Variants in CD5 observed in about 807,000 individuals in gnomAD.
CD5 encodes the protein CD5 molecule.
In CD5, 36 loss-of-function variants were observed where a neutral mutation model predicts 60.3. The ratio of observed to expected loss-of-function variants is 0.60; its 90% CI spans 0.46 to 0.79. The LOEUF is 0.79. CD5 is among the 30% of genes least tolerant of loss of function. CD5 has a pLI of 0.00. For synonymous variants in CD5, 230 were observed against 257.6 expected, an observed-to-expected ratio of 0.89 and a Z score of 1.03; for missense variants, 540 against 630.6, an observed-to-expected ratio of 0.86 and a Z score of 1.54.
chr11:61,094,881 A>G, the CD5 span, among the ~76,000 whole-genome samples: 1 of 152,178 alleles, frequency 6.6e-6, no homozygotes, highest in African/African-American at 2.4e-5. Context: ...AAGCCTGGAC[A>G]GGTCCCTTGT....
At chr11:61,108,467 AAACCAATCATTTCATCTGTGCTC>A (rs1184766779) in intron 1 of CD5, among the ~76,000 whole-genome samples, 2 of 152,034 alleles carry the variant, frequency 1.3e-5, no homozygotes, top group Non-Finnish European at 2.9e-5. Flanking sequence ...GCCTAATCAT[AAACCAATCATTTCATCTGTGCTC>A]AACCCAAGAA....
intron 5 of CD5, among the ~76,000 whole-genome samples, chr11:61,119,875 T>A (rs1861030662): frequency 6.6e-6 from 1 of 152,104 alleles, no homozygotes; most frequent in Non-Finnish European, 1.5e-5. Context: ...GCAAGGTCTC[T>A]TCGTGGGTCT....
intron 1 of CD5, among the ~76,000 whole-genome samples, chr11:61,105,951 C>T (rs1251341771): frequency 2.0e-5 from 3 of 152,006 alleles, no homozygotes; most frequent in African/African-American, 7.3e-5. Context: ...ATGGTGAAAC[C>T]TCATCTCTAC....
chr11:61,100,663 A>T (rs1323795543), upstream of CD5, among the ~76,000 whole-genome samples: 1 of 127,030 alleles, frequency 7.9e-6, no homozygotes, highest in Non-Finnish European at 1.6e-5. Context: ...ACACATCAAC[A>T]TGGAGATCAC....
At chr11:61,102,802 T>C (rs1335182645) in intron 1 of CD5, among the ~76,000 whole-genome samples, 187 bp downstream of exon 1, 4 of 152,172 alleles carry the variant, frequency 2.6e-5, no homozygotes, top group Non-Finnish European at 5.9e-5. Flanking sequence ...CTGTCCTGCA[T>C]GTCCCACCCG....
intron 1 of CD5, among the ~76,000 whole-genome samples, chr11:61,110,783 A>G (rs905523538): frequency 1.3e-5 from 2 of 152,218 alleles, no homozygotes; most frequent in Non-Finnish European, 2.9e-5. Context: ...CACCTACTTC[A>G]TAGCACTGTG....
At chr11:61,103,376 G>A (rs1860729069) in intron 1 of CD5, among the ~76,000 whole-genome samples, 2 of 152,206 alleles carry the variant, frequency 1.3e-5, no homozygotes, top group Admixed American at 6.5e-5. Context: ...GGATTTAGAA[G>A]GTCTGGCAGG....
chr11:61,122,777 C>T, intron 6 of CD5, 130 bp from the exon 7 acceptor site: 1 of 995,918 alleles, frequency 1.0e-6, no homozygotes, highest in Non-Finnish European at 1.5e-6. Context: ...AGATCATTGC[C>T]TTCCGTGCAT....
the CD5 span, among the ~76,000 whole-genome samples, chr11:61,095,608 A>G: frequency 6.6e-6 from 1 of 152,150 alleles, no homozygotes; most frequent in Non-Finnish European, 1.5e-5. Flanking sequence ...GCCAATTACC[A>G]AAACCCCCAA....
Position 61,126,455 on chromosome 11 carries a change from ACT to A in CD5, c.*173_*174del, listed in dbSNP as rs1861150444. The A allele has an allele frequency of 1.3e-5, 2 of 152,164 alleles. No homozygotes were observed. The highest frequency in any genetic ancestry group is 2.1e-4 in the South Asian group (1 of 4,836). 9.4% of individuals were successfully genotyped at this position (152,164 alleles called of 1,614,324 possible). A position where few individuals can be genotyped will look rare whatever the true frequency, so the allele number is the denominator to read the frequency against. ...TGCCCCGAGTGGCAGGCCAGCTCACACTCTGCTGCACAACAGCTCGGCCGCCC... is the reference window on the plus strand; with the variant it reads ...TGCCCCGAGTGGCAGGCCAGCTCACACTGCTGCACAACAGCTCGGCCGCCC... On this transcript the variant is annotated 3_prime_UTR_variant, in exon 11 of 11. Coordinates refer to ENST00000347785, the MANE Select transcript of CD5 (RefSeq NM_014207.4).
upstream of CD5, among the ~76,000 whole-genome samples, chr11:61,102,081 C>T (rs980723468): frequency 6.6e-6 from 1 of 152,224 alleles, no homozygotes; most frequent in African/African-American, 2.4e-5. Flanking sequence ...TTGGTTTTGG[C>T]TTTCACTGGA....
At chr11:61,121,187 T>G (rs1209232286) in intron 5 of CD5, among the ~76,000 whole-genome samples, 2 of 152,266 alleles carry the variant, frequency 1.3e-5, no homozygotes, top group African/African-American at 2.4e-5. Flanking sequence ...TCAGTTTCCC[T>G]CTTCTGAAAA....
chr11:61,124,776 C>T (rs1337970982), intron 8 of CD5, among the ~76,000 whole-genome samples: 1 of 151,754 alleles, frequency 6.6e-6, no homozygotes, highest in Non-Finnish European at 1.5e-5. Flanking sequence ...GCTTGATGAC[C>T]GACTCACGGA....
At position 61,119,348 on chromosome 11, in the gene CD5, C is replaced by A; in HGVS notation, c.578C>A (p.Thr193Asn). The A allele has an allele frequency of 6.2e-7, 1 of 1,614,116 alleles. No individual in the cohort carries two copies. The highest frequency in any genetic ancestry group is 8.5e-7 in the Non-Finnish European group (1 of 1,180,018). Reference protein sequence around the residue: ...GTISYEAQDKTQDLENFLCNN... With the variant: ...GTISYEAQDKNQDLENFLCNN... ...ATCAGCTATGAGGCCCAGGACAAGACCCAGGACCTGGAGAACTTCCTCTGC... is the reference window on the plus strand; with the variant it reads ...ATCAGCTATGAGGCCCAGGACAAGAACCAGGACCTGGAGAACTTCCTCTGC... The change falls in exon 5 of 11, where the codon ACC becomes AAC. Residue 193 changes from threonine to asparagine, a missense_variant. By Grantham distance (65) the Thr-to-Asn change is moderately conservative. Transcript: ENST00000347785.
upstream of CD5, among the ~76,000 whole-genome samples, chr11:61,097,555 A>T (rs1860602002): frequency 6.6e-6 from 1 of 152,148 alleles, no homozygotes; most frequent in Admixed American, 6.5e-5. Context: ...ACTGGATTAT[A>T]CTGGATATGT....
chr11:61,106,202 T>A (rs1330732540), intron 1 of CD5, among the ~76,000 whole-genome samples: 1 of 151,092 alleles, frequency 6.6e-6, no homozygotes, highest in Non-Finnish European at 1.5e-5. Context: ...GAACAGCAAG[T>A]TCCTCAGGCA....
chr11:61,127,371 C>CTAAGACACATCT lies in CD5; in HGVS notation c.*1093_*1094insCATCTTAAGACA, dbSNP rs1861164137. The CTAAGACACATCT allele has an allele frequency of 3.3e-5, 5 of 152,324 alleles. No homozygotes were observed. Among genetic ancestry groups the CTAAGACACATCT allele is most frequent in the African/African-American group, 1.2e-4 (5 of 41,456 alleles). 9.4% of individuals were successfully genotyped at this position (152,324 alleles called of 1,614,324 possible). ...AGGTGAAGCAACATGGGAACACATC[C>CTAAGACACATCT]TAAGACAGGTCCTTTCTCCACGCCA... On this transcript the variant is annotated 3_prime_UTR_variant, in exon 11 of 11. Coordinates refer to ENST00000347785, the MANE Select transcript of CD5 (RefSeq NM_014207.4).
In CD5 at chr11:61,121,885, C is replaced by G; in HGVS notation, c.1080C>G (p.Cys360Trp). The change falls in exon 6 of 11, where the codon TGC (cysteine) becomes TGG (tryptophan). Residue 360 changes from cysteine to tryptophan, a missense_variant. By Grantham distance (215) the Cys-to-Trp change is radical. Transcript: ENST00000347785. ...AACTTTGGGAGAGAAATTCCTACTGCAAGAAGGTGTTTGTCACATGTGAGT... is the reference window on the plus strand; with the variant it reads ...AACTTTGGGAGAGAAATTCCTACTGGAAGAAGGTGTTTGTCACATGTGAGT... ...CHELWERNSYCKKVFVTCQDP... is the reference protein window; with the variant it reads ...CHELWERNSYWKKVFVTCQDP... 6.5e-7 allele frequency: 1 copy of G among 1,549,422 alleles called. No homozygotes were observed. Among genetic ancestry groups the G allele is most frequent in the Non-Finnish European group, 8.8e-7 (1 of 1,139,808 alleles).
chr11:61,126,161 G>C (rs1379097475), intron 10 of CD5, 127 bp from the exon 11 acceptor site: 2 of 210,868 alleles, frequency 9.5e-6, no homozygotes, highest in African/African-American at 4.6e-5. Flanking sequence ...CCAGCGGGCA[G>C]AAGGAGCCCC....
Sources: allele counts gnomAD v4.1 joint callset (sites outside exome capture counted in the v4.1 genomes callset), GRCh38; gene constraint gnomAD v4.1.1; transcripts MANE v1.5; gene names NCBI Gene and HGNC (gene_info 2026-07-23, HGNC 2026-07-21).